Variants in KRT1 observed in about 807,000 individuals in gnomAD.
KRT1 encodes the protein keratin, type II cytoskeletal 1.
Under a neutral mutation model 51.6 loss-of-function variants are expected in KRT1, and 28 were observed. The observed-to-expected ratio is 0.54, with a 90% CI of 0.40 to 0.74. The LOEUF (loss-of-function observed/expected upper bound fraction) is 0.74. KRT1 is among the 30% of genes least tolerant of loss of function. The probability of loss-of-function intolerance (pLI) is 0.00; values close to 1 mark genes in which losing one functional copy is unlikely to be tolerated. For missense variants in KRT1, 783 were observed against 815.5 expected, an observed-to-expected ratio of 0.96 and a Z score of 0.49; for synonymous variants, 301 against 307.7, an observed-to-expected ratio of 0.98 and a Z score of 0.23.
At position 52,675,333 on chromosome 12, in the gene KRT1, A is replaced by AGCTGCC; in HGVS notation, c.1789_1794dup (p.Gly597_Ser598dup). 1 of 1,610,660 alleles carries AGCTGCC rather than the reference A, an allele frequency of 6.2e-7. No homozygotes were observed. The highest frequency in any genetic ancestry group is 8.5e-7 in the Non-Finnish European group (1 of 1,179,420). On this transcript the variant is annotated inframe_insertion, in exon 9 of 9. Coordinates refer to ENST00000252244, the MANE Select transcript of KRT1 (RefSeq NM_006121.4). ...CCGCCGCCAGAGCCCCGGCCGCCAG[A>AGCTGCC]GCTGCCGCCGCCGCCGCCTCCAGAG...
chr12:52,678,595 C>T lies in KRT1; in HGVS notation c.753G>A (p.Arg251=). 1.2e-6 allele frequency: 2 copies of T among 1,614,242 alleles called. No individual in the cohort carries two copies. The highest frequency in any genetic ancestry group is 1.7e-6 in the Non-Finnish European group (2 of 1,180,042). The change falls in exon 2 of 9, where the codon CGG becomes CGA. Residue 251 remains arginine (R), a synonymous_variant. Transcript: ENST00000252244. Reference sequence around the variant, plus strand: ...GCATGTTCTTCAGTTCCGAATCCAACCGAGATTGATCACTCTTCAGTTGGT... The same window carrying T: ...GCATGTTCTTCAGTTCCGAATCCAATCGAGATTGATCACTCTTCAGTTGGT... The part of the protein sequence containing the change: ...RVDQLKSDQS[R]LDSELKNMQD...
In KRT1 at chr12:52,677,646, T is replaced by C. The variant is rs1243996237; in HGVS notation, c.963+4A>G. On this transcript the variant is annotated splice_donor_region_variant and intron_variant, in intron 4 of 8. Transcript: ENST00000252244. ...ATAAACTTGGTTGAAACTGGAAGAC[T>C]TACTGCTTGGTAGAGTGCTGTAAGG... 1 of 1,614,034 alleles carries C rather than the reference T, an allele frequency of 6.2e-7. No individual in the cohort carries two copies. The highest frequency in any genetic ancestry group is 8.5e-7 in the Non-Finnish European group (1 of 1,179,970).
At chr12:52,678,457 A>G in intron 2 of KRT1, 85 bp downstream of exon 2, 3 of 1,341,616 alleles carry the variant, frequency 2.2e-6, no homozygotes, top group East Asian at 4.6e-5. Flanking sequence ...AGACATAGCT[A>G]CATGCTGCTT....
At position 52,675,275 on chromosome 12, in the gene KRT1, G is replaced by A. The variant is rs768678476; in HGVS notation, c.1853C>T (p.Ser618Phe). The stretch of plus-strand genomic sequence containing the variant: ...AGAGGACTTGACACCCCCAGAGCTG[G>A]ATCCCCGGCCTCCTATGGAGCCTCC... ...SSGGSIGGRG[S>F]SSGGVKSSGG... Residue 618 changes from serine to phenylalanine, a missense_variant, in exon 9 of 9, where the codon TCC becomes TTC. Ser to Phe is a radical substitution (Grantham distance 155). Coordinates refer to ENST00000252244, the MANE Select transcript of KRT1 (RefSeq NM_006121.4). 1.1e-5 allele frequency: 18 copies of A among 1,613,668 alleles called. No homozygotes were observed. The highest frequency in any genetic ancestry group is 1.5e-5 in the Non-Finnish European group (18 of 1,180,018).
At position 52,675,623 on chromosome 12, in the gene KRT1, A is replaced by G; in HGVS notation, c.1511-6T>C. 6.2e-7 allele frequency: 1 copy of G among 1,614,224 alleles called. No homozygotes were observed. The highest frequency in any genetic ancestry group is 8.5e-7 in the Non-Finnish European group (1 of 1,180,026). ...GGTGTGGCTTGTGCTCACAGCTGCAAGAGGAAGCTCAGTTATTTTCAACCT... is the reference window on the plus strand; with the variant it reads ...GGTGTGGCTTGTGCTCACAGCTGCAGGAGGAAGCTCAGTTATTTTCAACCT... On this transcript the variant is annotated splice_polypyrimidine_tract_variant and splice_region_variant and intron_variant, in intron 8 of 8. Coordinates refer to ENST00000252244, the MANE Select transcript of KRT1 (RefSeq NM_006121.4).
At chr12:52,678,024 G>A in intron 3 of KRT1, 139 bp downstream of exon 3, 1 of 832,426 alleles carries the variant, frequency 1.2e-6, no homozygotes, top group East Asian at 2.6e-5. Context: ...ATGATGATGT[G>A]AAAATATAGC....
In KRT1 at chr12:52,677,108, T is replaced by C. The variant is rs774240159; in HGVS notation, c.1205A>G (p.Asn402Ser). ...RNSKIEISEL[N>S]RVIQRLRSEI... ...AGATCTAAGTCTCTGGATCACACGA[T>C]TCAGCTCAGAAATTTCTATCTTTGA... is the stretch of plus-strand genomic sequence containing the variant. The change falls in exon 6 of 9, where the codon AAT (asparagine) becomes AGT (serine). Residue 402 changes from asparagine (N) to serine (S), a missense_variant. Physicochemically the swap from Asn to Ser is conservative, Grantham distance 46 (BLOSUM62 1). Transcript: ENST00000252244. 8.1e-6 allele frequency: 13 copies of C among 1,613,920 alleles called. No individual in the cohort carries two copies. Among genetic ancestry groups the C allele is most frequent in the Non-Finnish European group, 1.0e-5 (12 of 1,180,014 alleles).
Position 52,675,082 on chromosome 12 carries a change from C to A in KRT1, c.*111G>T. 7.3e-7 allele frequency: 1 copy of A among 1,360,912 alleles called. No individual in the cohort carries two copies. Among genetic ancestry groups the A allele is most frequent in the Non-Finnish European group, 1.1e-6 (1 of 951,114 alleles). The allele number at this position is 1,360,912 out of a possible 1,614,324, so 84.3% of individuals were successfully genotyped here. ...GAATAGGATGAGCTAGTGTAACTAA[C>A]CATAGCTCTTTTCTCCGGTAAGGCT... On this transcript the variant is annotated 3_prime_UTR_variant, in exon 9 of 9. Transcript: ENST00000252244.
rs765714875 is a variant in KRT1 at position 52,679,853 on chromosome 12, T to A, written c.496A>T (p.Asn166Tyr). 1 of 1,614,156 alleles carries A rather than the reference T, an allele frequency of 6.2e-7. No individual in the cohort carries two copies. The highest frequency in any genetic ancestry group is 1.1e-5 in the South Asian group (1 of 91,084). ...TGGATCTCAGGGTCAATCTCCACAT[T>A]GAGGGGCTGAAGAAGGCTCTGGTTG... ...TINQSLLQPL[N>Y]VEIDPEIQKV... The change falls in exon 1 of 9, where the codon AAT becomes TAT. Residue 166 changes from asparagine to tyrosine, a missense_variant. Transcript: ENST00000252244.
Position 52,676,446 on chromosome 12 carries a change from T to A in KRT1, c.1304A>T (p.Asn435Ile), listed in dbSNP as rs575075676. 2 of 1,614,176 alleles carry A rather than the reference T, an allele frequency of 1.2e-6. No homozygotes were observed. The highest frequency in any genetic ancestry group is 1.3e-5 in the African/African-American group (1 of 75,036). Residue 435 changes from asparagine to isoleucine, a missense_variant, in exon 7 of 9, where the codon AAT becomes ATT. Physicochemically the swap from Asn to Ile is moderately radical, Grantham distance 149. Coordinates refer to ENST00000252244, the MANE Select transcript of KRT1 (RefSeq NM_006121.4). ...SISDAEQRGE[N>I]ALKDAKNKLN... ...CTTGTTCTTGGCATCCTTGAGGGCA[T>A]TCTCGCCACGCTGCTCTGCATCACT... is the stretch of plus-strand genomic sequence containing the variant.
intron 7 of KRT1, 43 bp downstream of exon 7, chr12:52,676,232 A>G: frequency 6.7e-7 from 1 of 1,489,018 alleles, no homozygotes; most frequent in East Asian, 2.3e-5. Flanking sequence ...GCAAGGAAGG[A>G]AGACCATGAG....
At chr12:52,676,254 C>T in intron 7 of KRT1, 21 bp downstream of exon 7, 1 of 1,596,054 alleles carries the variant, frequency 6.3e-7, no homozygotes. Context: ...AGAGGTTCGA[C>T]TCCCAGCGTC....
At position 52,679,847 on chromosome 12, in the gene KRT1, C is replaced by T; in HGVS notation, c.502G>A (p.Glu168Lys). 6.2e-7 allele frequency: 1 copy of T among 1,614,150 alleles called. No individual in the cohort carries two copies. The highest frequency in any genetic ancestry group is 8.5e-7 in the Non-Finnish European group (1 of 1,180,024). ...ACCTTTTGGATCTCAGGGTCAATCT[C>T]CACATTGAGGGGCTGAAGAAGGCTC... is the stretch of plus-strand genomic sequence containing the variant. ...NQSLLQPLNV[E>K]IDPEIQKVKS... Residue 168 changes from glutamate (E) to lysine (K), a missense_variant, in exon 1 of 9, where the codon GAG becomes AAG. By Grantham distance (56) the Glu-to-Lys change is moderately conservative. Coordinates refer to ENST00000252244, the MANE Select transcript of KRT1 (RefSeq NM_006121.4).
At position 52,675,182 on chromosome 12, in the gene KRT1, AG is replaced by A. The variant is rs1195783716; in HGVS notation, c.*10del. On this transcript the variant is annotated 3_prime_UTR_variant, in exon 9 of 9. Transcript: ENST00000252244. ...GGGAGAACTAGAGCTAATGAAACAGAGGGCATCTCTTTATCTGGTTACTCCG... is the reference window on the plus strand; with the variant it reads ...GGGAGAACTAGAGCTAATGAAACAGAGGCATCTCTTTATCTGGTTACTCCG... 3.1e-6 allele frequency: 5 copies of A among 1,613,112 alleles called. No individual in the cohort carries two copies. In the Admixed American group the frequency reaches 8.3e-5, roughly 27 times the overall value.
At position 52,675,387 on chromosome 12, in the gene KRT1, C is replaced by T. The variant is rs748024312; in HGVS notation, c.1741G>A (p.Gly581Arg). Residue 581 changes from glycine (G) to arginine (R), a missense_variant, in exon 9 of 9, where the codon GGA becomes AGA. Gly to Arg is a moderately radical substitution (Grantham distance 125, BLOSUM62 -2). Coordinates refer to ENST00000252244, the MANE Select transcript of KRT1 (RefSeq NM_006121.4). ...GGGGHGSYGS[G>R]SSSGGYRGGS... is the part of the protein sequence containing the mutation. ...CCTCTGTAGCCCCCACTGCTGCTTC[C>T]GGAGCCGTAGCTGCCATGGCCGCCG... 2.5e-6 allele frequency: 4 copies of T among 1,602,232 alleles called. No individual in the cohort carries two copies. Among genetic ancestry groups the T allele is most frequent in the East Asian group, 2.3e-5 (1 of 44,260 alleles).
chr12:52,678,344 C>T (rs1941540532), intron 2 of KRT1, 121 bp from the exon 3 acceptor site: 2 of 1,077,586 alleles, frequency 1.9e-6, no homozygotes, highest in Non-Finnish European at 1.4e-6. Context: ...GACATATTGG[C>T]CACTACTTTC....
At position 52,675,096 on chromosome 12, in the gene KRT1, T is replaced by C. The variant is rs1941479258; in HGVS notation, c.*97A>G. On this transcript the variant is annotated 3_prime_UTR_variant, in exon 9 of 9. Transcript: ENST00000252244. ...AGTGTAACTAACCATAGCTCTTTTC[T>C]CCGGTAAGGCTGGGACAAATCGACC... The C allele has an allele frequency of 6.8e-7, 1 of 1,466,488 alleles. No homozygotes were observed. The highest frequency in any genetic ancestry group is 2.3e-5 in the East Asian group (1 of 44,114). 90.8% of individuals were successfully genotyped at this position (1,466,488 alleles called of 1,614,324 possible).
Position 52,678,616 on chromosome 12 carries a change from T to C in KRT1, c.732A>G (p.Gln244=). ...CCAACCGAGATTGATCACTCTTCAG[T>C]TGGTCCACTCTCCTTCGGAGATTGT... ...FINNLRRRVD[Q]LKSDQSRLDS... is the part of the protein sequence containing the mutation. Residue 244 remains glutamine (Q), a synonymous_variant, in exon 2 of 9, where the codon CAA becomes CAG. Coordinates refer to ENST00000252244, the MANE Select transcript of KRT1 (RefSeq NM_006121.4). 1 of 1,614,204 alleles carries C rather than the reference T, an allele frequency of 6.2e-7. No homozygotes were observed. The highest frequency in any genetic ancestry group is 8.5e-7 in the Non-Finnish European group (1 of 1,180,038).
At position 52,675,118 on chromosome 12, in the gene KRT1, G is replaced by T; in HGVS notation, c.*75C>A. On this transcript the variant is annotated 3_prime_UTR_variant, in exon 9 of 9. Coordinates refer to ENST00000252244, the MANE Select transcript of KRT1 (RefSeq NM_006121.4). ...TTCTCCGGTAAGGCTGGGACAAATC[G>T]ACCTCGGTCTTGCCAAGCATATTTG... The T allele has an allele frequency of 1.9e-6, 3 of 1,572,512 alleles. No homozygotes were observed. The highest frequency in any genetic ancestry group is 1.1e-5 in the South Asian group (1 of 90,086).
Sources: gnomAD v4.1 joint callset for allele counts on GRCh38, gnomAD v4.1.1 for gene constraint, MANE v1.5 for transcripts, NCBI Gene and HGNC (gene_info 2026-07-23, HGNC 2026-07-21) for gene names.